Variants in PRKN observed in about 807,000 individuals in gnomAD.
PRKN encodes the protein parkin RBR E3 ubiquitin protein ligase, also known as E3 ubiquitin-protein ligase parkin.
A neutral mutation model predicts 59.5 loss-of-function variants in PRKN; 56 were observed. The ratio of observed to expected loss-of-function variants is 0.94; its 90% CI spans 0.76 to 1.18. The LOEUF is 1.18. PRKN is among the 50% of genes most tolerant of loss of function. The pLI, the probability that PRKN is intolerant of heterozygous loss-of-function variation, is 0.00. For missense variants in PRKN, 657 were observed against 596.4 expected (o/e 1.10, Z -1.06); for synonymous variants, 250 against 222.1 (o/e 1.13, Z -1.12).
intron 5 of PRKN, among the ~76,000 whole-genome samples, chr6:161,999,227 G>C (rs1310859437): frequency 6.6e-6 from 1 of 152,068 alleles, no homozygotes; most frequent in Non-Finnish European, 1.5e-5. Flanking sequence ...AGTGTCAACT[G>C]CTTAGAGAAG....
At chr6:162,312,979 G>A (rs945776687) in intron 2 of PRKN, among the ~76,000 whole-genome samples, 1 of 152,070 alleles carries the variant, frequency 6.6e-6, no homozygotes, top group Admixed American at 6.6e-5. Flanking sequence ...TAATCTAGAT[G>A]ATATCACATA....
chr6:161,733,958 TTACACAC>T (rs1787856078), intron 7 of PRKN, among the ~76,000 whole-genome samples: 1 of 79,476 alleles, frequency 1.3e-5, no homozygotes, highest in South Asian at 5.8e-4. Flanking sequence ...GAAAATTCAT[TTACACAC>T]ACACACACAC....
intron 1 of PRKN, among the ~76,000 whole-genome samples, chr6:162,482,672 G>A (rs1298265031): frequency 1.3e-5 from 2 of 152,154 alleles, no homozygotes; most frequent in Admixed American, 1.3e-4. Flanking sequence ...CATGAACCAA[G>A]TATACTATGT....
intron 1 of PRKN, among the ~76,000 whole-genome samples, chr6:162,545,112 C>T (rs1779068211): frequency 6.6e-6 from 1 of 151,332 alleles, no homozygotes; most frequent in African/African-American, 2.4e-5. Flanking sequence ...TGGTGAAACC[C>T]TGTCTCTACT....
chr6:161,974,154 C>T (rs1489644750), intron 5 of PRKN, among the ~76,000 whole-genome samples: 1 of 152,178 alleles, frequency 6.6e-6, no homozygotes, highest in African/African-American at 2.4e-5. Context: ...GTAATCCTAG[C>T]TACTCGAGAG....
chr6:162,348,163 C>T (rs1049593061), intron 2 of PRKN, among the ~76,000 whole-genome samples: 6 of 152,178 alleles, frequency 3.9e-5, no homozygotes, highest in Middle Eastern at 3.2e-3. Context: ...GCCTCTTATA[C>T]CCACCAGTGA....
At chr6:162,450,291 T>C (rs945189921) in intron 1 of PRKN, among the ~76,000 whole-genome samples, 2 of 130,280 alleles carry the variant, frequency 1.5e-5, no homozygotes, top group East Asian at 4.7e-4. Flanking sequence ...CCTTTGAGTG[T>C]AACACCCCTG....
At chr6:162,143,051 T>A (rs1781855943) in intron 4 of PRKN, among the ~76,000 whole-genome samples, 1 of 152,226 alleles carries the variant, frequency 6.6e-6, no homozygotes, top group Non-Finnish European at 1.5e-5. Context: ...CTAGGAGATG[T>A]TCTTTATTTA....
intron 2 of PRKN, among the ~76,000 whole-genome samples, chr6:162,382,781 T>C (rs541427407): frequency 1.3e-5 from 2 of 152,358 alleles, no homozygotes; most frequent in African/African-American, 4.8e-5. Flanking sequence ...CAGAGTAGAA[T>C]GTATTTTCAA....
chr6:162,497,731 A>G (rs1181465133), intron 1 of PRKN, among the ~76,000 whole-genome samples: 1 of 152,186 alleles, frequency 6.6e-6, no homozygotes, highest in African/African-American at 2.4e-5. Context: ...GAAAAACACA[A>G]CCAAATGTAC....
chr6:162,397,536 T>C (rs937439956), intron 2 of PRKN, among the ~76,000 whole-genome samples: 4 of 152,118 alleles, frequency 2.6e-5, no homozygotes, highest in African/African-American at 4.8e-5. Context: ...AAATATAACA[T>C]GGTCCTTGCT....
intron 1 of PRKN, among the ~76,000 whole-genome samples, chr6:162,457,617 AACTACACAAAATCCCAAACTT>A (rs1419570289): frequency 6.6e-6 from 1 of 151,312 alleles, no homozygotes; most frequent in Non-Finnish European, 1.5e-5. Flanking sequence ...AAGAAATAAA[AACTACACAAAATCCCAAACTT>A]AAGAGTCAGG....
chr6:162,530,154 A>T (rs1778453912), intron 1 of PRKN, among the ~76,000 whole-genome samples: 1 of 143,714 alleles, frequency 7.0e-6, no homozygotes, highest in Non-Finnish European at 1.6e-5. Context: ...AAAAAAAAAA[A>T]GTAAAAAAGT....
intron 3 of PRKN, among the ~76,000 whole-genome samples, chr6:162,224,699 T>G (rs998782053): frequency 2.6e-5 from 4 of 152,118 alleles, no homozygotes; most frequent in African/African-American, 9.7e-5. Flanking sequence ...CCTGGGGAAT[T>G]GGATGCTGCT....
intron 2 of PRKN, among the ~76,000 whole-genome samples, chr6:162,274,120 A>C (rs983428145): frequency 3.3e-5 from 5 of 152,026 alleles, no homozygotes; most frequent in Non-Finnish European, 7.4e-5. Context: ...ATATTTTGGG[A>C]CTGGAAGGAA....
rs74298763 is a variant in PRKN, at chr6:161,843,842, C to G, written c.735-57934G>C. Among the ~76,000 whole-genome samples the G allele has an allele frequency of 0.012, 1,788 of 152,200 alleles. 52 individuals are homozygous for G. The East Asian group carries it at 0.13, about 11-fold the overall frequency. On this transcript the variant is annotated intron_variant, in intron 6 of 11. Coordinates refer to ENST00000366898, the MANE Select transcript of PRKN (RefSeq NM_004562.3). ...ATTCATTCATTCCATAGTACAGCTA[C>G]GATCATGTTGGTGCCCCATTCAAAC...
chr6:162,037,351 C>G (rs529154658), intron 5 of PRKN, among the ~76,000 whole-genome samples: 2 of 152,008 alleles, frequency 1.3e-5, no homozygotes, highest in African/African-American at 4.8e-5. Flanking sequence ...ATAATGAGCA[C>G]ATTATATGAA....
Position 162,158,411 on chromosome 6 carries a change from T to C in PRKN, c.534+42720A>G, listed in dbSNP as rs1306232141. On this transcript the variant is annotated intron_variant, in intron 4 of 11. Transcript: ENST00000366898. ...AAGACCAAAGCTTTTTGTTTGTTTG[T>C]TTGCGTTTTTTTTTTTTTTTTTCTT... Among the ~76,000 whole-genome samples the C allele has an allele frequency of 5.9e-4, 6 of 10,184 alleles. No homozygotes were observed. In the Admixed American group the frequency reaches 6.7e-3, roughly 11 times the overall value. 6.7% of individuals were successfully genotyped at this position (10,184 alleles called of 152,430 possible).
At chr6:161,801,485 G>A (rs1393534559) in intron 6 of PRKN, among the ~76,000 whole-genome samples, 3 of 152,194 alleles carry the variant, frequency 2.0e-5, no homozygotes, top group Non-Finnish European at 4.4e-5. Flanking sequence ...TGAGATTACC[G>A]TGTGACTGAT....
Sources: allele counts gnomAD v4.1 joint callset (sites outside exome capture counted in the v4.1 genomes callset), GRCh38; gene constraint gnomAD v4.1.1; transcripts MANE v1.5; gene names NCBI Gene and HGNC (gene_info 2026-07-23, HGNC 2026-07-21).